SPOCK1: variants seen among roughly 807,000 people sequenced by gnomAD.
SPOCK1 encodes the protein SPARC (osteonectin), cwcv and kazal like domains proteoglycan 1, also known as testican-1.
SPOCK1 carries 23 observed loss-of-function variants against 55.3 expected under a neutral mutation model. The ratio of observed to expected loss-of-function variants is 0.42; its 90% CI spans 0.30 to 0.59. The LOEUF is 0.59. Among genes scored for constraint, SPOCK1 ranks in the 20% least tolerant of loss-of-function variants. The pLI, the probability that SPOCK1 is intolerant of heterozygous loss-of-function variation, is 0.22. For synonymous variants in SPOCK1, 226 were observed against 221.0 expected (o/e 1.02, Z -0.20); for missense variants, 499 against 552.5 (o/e 0.90, Z 0.97).
intron 5 of SPOCK1, among the ~76,000 whole-genome samples, chr5:137,085,718 C>T (rs557476555): frequency 6.6e-5 from 10 of 152,212 alleles, no homozygotes; most frequent in Non-Finnish European, 1.3e-4. Flanking sequence ...GTAATAAGTA[C>T]TAAAGTTGAG....
In SPOCK1 at chr5:137,041,753, T is replaced by C. The variant is rs571166421; in HGVS notation, c.589+25962A>G. On this transcript the variant is annotated intron_variant, in intron 6 of 10. Coordinates refer to ENST00000394945, the MANE Select transcript of SPOCK1 (RefSeq NM_004598.4). ...AATACAAATTCAAACAATAATACCA[T>C]ATCACCATGTACCTATTATAGTGTC... 6.6e-5 allele frequency among the ~76,000 whole-genome samples: 10 copies of C among 152,282 alleles called. No homozygotes were observed. The South Asian group carries it at 2.1e-3, about 32-fold the overall frequency.
At chr5:137,058,937 C>G (rs989845616) in intron 6 of SPOCK1, among the ~76,000 whole-genome samples, 2 of 152,158 alleles carry the variant, frequency 1.3e-5, no homozygotes, top group African/African-American at 4.8e-5. Flanking sequence ...AACAGAGGAC[C>G]AGAGCATGTT....
chr5:137,349,675 T>C (rs1750633164), intron 2 of SPOCK1, among the ~76,000 whole-genome samples: 1 of 152,182 alleles, frequency 6.6e-6, no homozygotes, highest in Non-Finnish European at 1.5e-5. Context: ...CTTCTAGTGG[T>C]TTGCTCATCT....
chr5:137,160,580 A>AT (rs1754520659), intron 3 of SPOCK1, among the ~76,000 whole-genome samples: 1 of 54,648 alleles, frequency 1.8e-5, no homozygotes, highest in Non-Finnish European at 3.4e-5. Flanking sequence ...ATTATATAAT[A>AT]TATATAATAT....
At chr5:137,155,104 T>A (rs569101850) in intron 3 of SPOCK1, among the ~76,000 whole-genome samples, 1 of 152,192 alleles carries the variant, frequency 6.6e-6, no homozygotes, top group Admixed American at 6.5e-5. Flanking sequence ...TTAACATTGA[T>A]CTTTGCAAGT....
intron 6 of SPOCK1, among the ~76,000 whole-genome samples, chr5:136,998,722 T>C (rs1313455342): frequency 1.3e-5 from 2 of 152,210 alleles, no homozygotes; most frequent in Non-Finnish European, 2.9e-5. Context: ...AGCTTTGGTG[T>C]GAGAACAATG....
intron 2 of SPOCK1, among the ~76,000 whole-genome samples, chr5:137,409,311 A>G (rs553391353): frequency 2.0e-5 from 3 of 152,360 alleles, no homozygotes; most frequent in Admixed American, 2.0e-4. Context: ...AACCCTAGGC[A>G]GGCAGGCTGA....
At chr5:137,235,936 A>G (rs900187761) in intron 3 of SPOCK1, among the ~76,000 whole-genome samples, 2 of 152,254 alleles carry the variant, frequency 1.3e-5, no homozygotes, top group African/African-American at 4.8e-5. Flanking sequence ...GGCCCCGGAT[A>G]AATGAAACTA....
At chr5:137,397,686 C>T (rs1006706110) in intron 2 of SPOCK1, among the ~76,000 whole-genome samples, 2 of 152,192 alleles carry the variant, frequency 1.3e-5, no homozygotes, top group Non-Finnish European at 2.9e-5. Context: ...CTTACTAGCT[C>T]TTGACCTTGA....
At chr5:137,018,544 C>G (rs747094008) in intron 6 of SPOCK1, among the ~76,000 whole-genome samples, 1 of 151,990 alleles carries the variant, frequency 6.6e-6, no homozygotes, top group Admixed American at 6.6e-5. Flanking sequence ...GATACTGATA[C>G]GAAAGTATGG....
At chr5:137,105,729 C>T (rs1753351286) in intron 5 of SPOCK1, among the ~76,000 whole-genome samples, 3 of 152,226 alleles carry the variant, frequency 2.0e-5, no homozygotes, top group Non-Finnish European at 2.9e-5. Flanking sequence ...TCTCTCGCCT[C>T]CCTCACACGT....
intron 3 of SPOCK1, among the ~76,000 whole-genome samples, chr5:137,170,413 G>C (rs893550804): frequency 5.3e-5 from 8 of 152,124 alleles, no homozygotes; most frequent in African/African-American, 1.9e-4. Context: ...TACTGCTATG[G>C]ACTGAATTCT....
intron 8 of SPOCK1, among the ~76,000 whole-genome samples, chr5:136,985,733 C>CTT (rs1750827801): frequency 6.6e-6 from 1 of 152,162 alleles, no homozygotes. Flanking sequence ...ACTGATGAGA[C>CTT]TTTGTATCTA....
At chr5:137,206,675 A>C (rs1755526095) in intron 3 of SPOCK1, among the ~76,000 whole-genome samples, 2 of 152,258 alleles carry the variant, frequency 1.3e-5, no homozygotes, top group African/African-American at 4.8e-5. Flanking sequence ...CTACAAATTA[A>C]AGTTGCTTTT....
intron 5 of SPOCK1, among the ~76,000 whole-genome samples, chr5:137,073,865 G>C (rs904803188): frequency 1.2e-4 from 19 of 152,262 alleles, no homozygotes; most frequent in African/African-American, 4.6e-4. Context: ...TCCTTATAGT[G>C]TTATTATTAC....
chr5:137,016,841 A>G (rs183712211), intron 6 of SPOCK1, among the ~76,000 whole-genome samples: 6 of 152,376 alleles, frequency 3.9e-5, no homozygotes, highest in South Asian at 2.1e-4. Flanking sequence ...CACGTTCACA[A>G]TGCTGTGAGA....
At chr5:137,129,409 A>G (rs1429327952) in intron 4 of SPOCK1, among the ~76,000 whole-genome samples, 2 of 152,216 alleles carry the variant, frequency 1.3e-5, no homozygotes, top group Admixed American at 6.5e-5. Flanking sequence ...TAGTAGAAAA[A>G]GAGTTTAATG....
chr5:137,498,495 G>A lies in SPOCK1; in HGVS notation c.64C>T (p.Arg22Trp), dbSNP rs1754356061. Residue 22 changes from arginine (R) to tryptophan (W), a missense_variant, in exon 2 of 11, where the codon CGG (arginine) becomes TGG (tryptophan). Around this residue, in one of 3 missense-constraint regions of SPOCK1, gnomAD observed 386 missense variants for 400.6 expected, o/e 0.96. Coordinates refer to ENST00000394945, the MANE Select transcript of SPOCK1 (RefSeq NM_004598.4). ...CCTCCGGCGAGCGCGTCCAGGTGCC[G>A]GCTCTCGACTTGGAGGAAGCACCAC... ...AAWCFLQVES[R>W]HLDALAGGAG... The A allele has an allele frequency of 1.3e-6, 2 of 1,588,504 alleles. No homozygotes were observed. Among genetic ancestry groups the A allele is most frequent in the Admixed American group, 1.7e-5 (1 of 57,362 alleles).
At chr5:137,363,327 A>G (rs1750990240) in intron 2 of SPOCK1, among the ~76,000 whole-genome samples, 1 of 152,246 alleles carries the variant, frequency 6.6e-6, no homozygotes, top group African/African-American at 2.4e-5. Context: ...TATGCTCTAC[A>G]CAAGACACTG....
Sources: allele counts gnomAD v4.1 joint callset (sites outside exome capture counted in the v4.1 genomes callset), GRCh38; gene constraint gnomAD v4.1.1; regional missense constraint gnomAD v4.1.1; transcripts MANE v1.5; gene names NCBI Gene and HGNC (gene_info 2026-07-23, HGNC 2026-07-21).